TRPC4AP: variants seen among roughly 807,000 people sequenced by gnomAD.
TRPC4AP encodes the protein transient receptor potential cation channel subfamily C member 4 associated protein.
A neutral mutation model predicts 99.0 loss-of-function variants in TRPC4AP; 45 were observed. That is an observed-to-expected ratio of 0.45 (90% CI 0.36 to 0.58). The LOEUF is 0.58. Ranked by LOEUF, TRPC4AP falls within the 20% of genes least tolerant of loss-of-function variation. The probability of loss-of-function intolerance (pLI) is 0.00; values close to 1 mark genes in which losing one functional copy is unlikely to be tolerated. For synonymous variants in TRPC4AP, 408 were observed against 385.8 expected (o/e 1.06, Z -0.67); for missense variants, 879 against 985.3 (o/e 0.89, Z 1.44).
chr20:35,061,351 G>A (rs948375906), intron 3 of TRPC4AP, among the ~76,000 whole-genome samples: 1 of 152,172 alleles, frequency 6.6e-6, no homozygotes, highest in African/African-American at 2.4e-5. Context: ...AAAATGGAAA[G>A]CTATCTTGTA....
rs577441562 is a variant in TRPC4AP, at chr20:35,008,765, T to G, written c.1512-18A>C. On this transcript the variant is annotated intron_variant, in intron 12 of 18. Transcript: ENST00000252015. ...CCAAACTCCTGAAATAGAAGAGAGA[T>G]ATTGGTGACAGATCTGAGAGGCTGA... is the stretch of plus-strand genomic sequence containing the variant. The G allele has an allele frequency of 1.2e-6, 2 of 1,610,062 alleles. No homozygotes were observed. The highest frequency in any genetic ancestry group is 1.7e-6 in the Non-Finnish European group (2 of 1,177,128).
At chr20:35,046,366 C>T (rs1265577345) in intron 6 of TRPC4AP, among the ~76,000 whole-genome samples, 4 of 152,162 alleles carry the variant, frequency 2.6e-5, no homozygotes, top group Non-Finnish European at 4.4e-5. Flanking sequence ...GAACCATCCC[C>T]GTGCTACTCA....
At chr20:35,019,030 TG>T (rs1468523252) in intron 9 of TRPC4AP, among the ~76,000 whole-genome samples, 2 of 152,220 alleles carry the variant, frequency 1.3e-5, no homozygotes, top group African/African-American at 4.8e-5. Context: ...TGACAGCACA[TG>T]GGGAGCCTTT....
chr20:35,064,809 TTACTA>T (rs2084101426), intron 3 of TRPC4AP, among the ~76,000 whole-genome samples: 1 of 152,258 alleles, frequency 6.6e-6, no homozygotes, highest in African/African-American at 2.4e-5. Context: ...TTTTCCCATA[TTACTA>T]TAACTTTAAC....
intron 4 of TRPC4AP, among the ~76,000 whole-genome samples, chr20:35,055,653 G>C (rs1239778237): frequency 6.6e-6 from 1 of 152,214 alleles, no homozygotes; most frequent in Admixed American, 6.5e-5. Context: ...GACTGCATGC[G>C]CGTGTACCAC....
Position 35,006,525 on chromosome 20 carries a change from G to A in TRPC4AP, c.1737C>T (p.Leu579=). The A allele has an allele frequency of 6.2e-7, 1 of 1,614,202 alleles. No homozygotes were observed. The highest frequency in any genetic ancestry group is 8.5e-7 in the Non-Finnish European group (1 of 1,180,040). The change falls in exon 15 of 19, where the codon CTC becomes CTT. Residue 579 remains leucine, a synonymous_variant. Transcript: ENST00000252015. ...VDSECKSRDV[L]QSYFDLLGEL... is the part of the protein sequence containing the mutation. ...CCCCCAGGAGGTCAAAGTAACTCTG[G>A]AGCACATCCCTTGACTTACACTCGC...
chr20:35,021,427 C>A, intron 8 of TRPC4AP, 71 bp from the exon 9 acceptor site: 1 of 1,548,064 alleles, frequency 6.5e-7, no homozygotes, highest in Admixed American at 1.7e-5. Flanking sequence ...CTCGAACCTG[C>A]TCTGAACAGA....
intron 8 of TRPC4AP, among the ~76,000 whole-genome samples, chr20:35,027,928 G>A (rs2083069649): frequency 6.6e-6 from 1 of 151,670 alleles, no homozygotes; most frequent in East Asian, 1.9e-4. Flanking sequence ...CAACTTTGTT[G>A]ATCTTTTTAA....
chr20:35,090,929 G>A (rs73903009), intron 1 of TRPC4AP, among the ~76,000 whole-genome samples: 21,162 of 67,518 alleles, frequency 0.31, 1,855 homozygotes, highest in African/African-American at 0.45. Flanking sequence ...CATATGCCTT[G>A]TACCGTACTT....
intron 1 of TRPC4AP, among the ~76,000 whole-genome samples, chr20:35,090,728 A>C (rs1354504102): frequency 2.0e-5 from 3 of 152,114 alleles, no homozygotes; most frequent in African/African-American, 7.2e-5. Context: ...ACTGGAAACA[A>C]ATTAAGTTGC....
Position 35,008,778 on chromosome 20 carries a change from T to C in TRPC4AP, c.1512-31A>G, listed in dbSNP as rs372913647. 7 of 1,599,716 alleles carry C rather than the reference T, an allele frequency of 4.4e-6. 1 individual carries two copies. The highest frequency in any genetic ancestry group is 6.0e-6 in the Non-Finnish European group (7 of 1,169,262). ...ATAGAAGAGAGATATTGGTGACAGA[T>C]CTGAGAGGCTGACAGGGGCCCTGGG... On this transcript the variant is annotated intron_variant, in intron 12 of 18. Coordinates refer to ENST00000252015, the MANE Select transcript of TRPC4AP (RefSeq NM_015638.3).
chr20:35,077,361 C>G (rs189639847), intron 2 of TRPC4AP, among the ~76,000 whole-genome samples: 206 of 152,308 alleles, frequency 1.4e-3, no homozygotes, highest in Non-Finnish European at 2.3e-3. Flanking sequence ...GTACCATAGA[C>G]TGGAGCTGTT....
At chr20:35,039,943 C>G (rs1690920507) in intron 7 of TRPC4AP, among the ~76,000 whole-genome samples, 1 of 150,480 alleles carries the variant, frequency 6.6e-6, no homozygotes, top group African/African-American at 2.4e-5. Flanking sequence ...TATCTGAGCC[C>G]CAGGAAGATA....
intron 1 of TRPC4AP, among the ~76,000 whole-genome samples, chr20:35,090,075 C>T (rs2085007423): frequency 6.7e-6 from 1 of 148,438 alleles, no homozygotes; most frequent in African/African-American, 2.5e-5. Flanking sequence ...GCACTCCAGC[C>T]TGGGTGACAG....
chr20:35,091,050 A>ATTTT lies in TRPC4AP; in HGVS notation c.168+1560_168+1563dup, dbSNP rs796861590. On this transcript the variant is annotated intron_variant, in intron 1 of 18. Transcript: ENST00000252015. ...GAAGGAAAGAGCAAGTATTTCTAGG[A>ATTTT]TTTTTTTTTTTTTTTGAGACAGGGT... is the stretch of plus-strand genomic sequence containing the variant. Among the ~76,000 whole-genome samples the ATTTT allele has an allele frequency of 4.2e-3, 606 of 143,356 alleles. 4 individuals carry two copies. Among genetic ancestry groups the ATTTT allele is most frequent in the African/African-American group, 0.015 (580 of 39,204 alleles). The allele number at this position is 143,356 out of a possible 152,430, so 94.0% of individuals were successfully genotyped here. A position where few individuals can be genotyped will look rare whatever the true frequency, so the allele number is the denominator to read the frequency against.
chr20:35,073,417 T>C (rs2146001573), intron 2 of TRPC4AP, among the ~76,000 whole-genome samples: 1 of 151,528 alleles, frequency 6.6e-6, no homozygotes. Flanking sequence ...TGTGGGTCTG[T>C]CATAAATAGC....
At chr20:35,060,010 C>A (rs531484442) in intron 3 of TRPC4AP, among the ~76,000 whole-genome samples, 36 of 151,740 alleles carry the variant, frequency 2.4e-4, no homozygotes, top group African/African-American at 8.4e-4. Context: ...TAAAAAAAAA[C>A]AAACAAAAAC....
chr20:35,013,134 A>G, intron 10 of TRPC4AP, 68 bp from the exon 11 acceptor site: 1 of 1,470,736 alleles, frequency 6.8e-7, no homozygotes, highest in South Asian at 1.1e-5. Context: ...ACAAGCAGAC[A>G]CTCTGGTGGG....
chr20:35,003,312 G>A lies in TRPC4AP; in HGVS notation c.2257-29C>T, dbSNP rs752947568. 37 of 1,613,412 alleles carry A rather than the reference G, an allele frequency of 2.3e-5. No individual in the cohort carries two copies. In the East Asian group the frequency reaches 2.7e-4, roughly 12 times the overall value. ...GGCAAAGAGGGAGGGGCTGGGGGGC[G>A]CCTGGAGGACCCAGGTCAAGCCCAG... On this transcript the variant is annotated intron_variant, in intron 18 of 18. Transcript: ENST00000252015.
Sources: allele counts gnomAD v4.1 joint callset (sites outside exome capture counted in the v4.1 genomes callset), GRCh38; gene constraint gnomAD v4.1.1; transcripts MANE v1.5; gene names NCBI Gene and HGNC (gene_info 2026-07-23, HGNC 2026-07-21).